The following SLC35F3 variants were observed in gnomAD, a reference collection of about 807,000 sequenced individuals.
SLC35F3 encodes the protein solute carrier family 35 member F3, also known as putative thiamine transporter SLC35F3.
SLC35F3 carries 25 observed loss-of-function variants against 49.9 expected under a neutral mutation model. The ratio of observed to expected loss-of-function variants is 0.50; its 90% CI spans 0.37 to 0.70. The LOEUF is 0.70. SLC35F3 is among the 30% of genes least tolerant of loss of function. The pLI, the probability that SLC35F3 is intolerant of heterozygous loss-of-function variation, is 0.00. For missense variants in SLC35F3, 525 were observed against 639.8 expected, an observed-to-expected ratio of 0.82 and a Z score of 1.94; for synonymous variants, 275 against 265.4, an observed-to-expected ratio of 1.04 and a Z score of -0.35.
intron 2 of SLC35F3, among the ~76,000 whole-genome samples, chr1:234,151,926 G>A (rs1666080152): frequency 6.6e-6 from 1 of 151,864 alleles, no homozygotes; most frequent in Non-Finnish European, 1.5e-5. Context: ...ATACCTTAAG[G>A]GATTTCTGTT....
intron 2 of SLC35F3, chr1:234,026,718 A>G (rs75522279): frequency 8.7e-6 from 1 of 115,124 alleles, no homozygotes; most frequent in African/African-American, 7.3e-5. Flanking sequence ...CCTTGGCTCC[A>G]AAAAAAAAAA....
At chr1:234,024,332 C>T (rs1663944453) in intron 2 of SLC35F3, among the ~76,000 whole-genome samples, 4 of 152,100 alleles carry the variant, frequency 2.6e-5, no homozygotes, top group Admixed American at 2.6e-4. Context: ...GGAGTGGGAC[C>T]AGGCCAGACA....
chr1:234,248,131 G>T (rs1349779387), intron 3 of SLC35F3, among the ~76,000 whole-genome samples: 2 of 152,226 alleles, frequency 1.3e-5, no homozygotes, highest in Non-Finnish European at 1.5e-5. Flanking sequence ...CTGTGGGTCG[G>T]TTGGCTGGTC....
chr1:234,058,202 G>A (rs915044177), intron 2 of SLC35F3, among the ~76,000 whole-genome samples: 22 of 150,990 alleles, frequency 1.5e-4, no homozygotes, highest in Admixed American at 1.4e-3. Flanking sequence ...TTTTTTTTTC[G>A]AGGATTTTTG....
chr1:234,112,752 A>G (rs1211083664), intron 2 of SLC35F3, among the ~76,000 whole-genome samples: 2 of 24,364 alleles, frequency 8.2e-5, no homozygotes, highest in Non-Finnish European at 1.6e-4. Flanking sequence ...TTTTTTTTGC[A>G]TTTTTAGTAG....
At chr1:234,007,247 G>A (rs1023494936) in intron 2 of SLC35F3, among the ~76,000 whole-genome samples, 4 of 152,282 alleles carry the variant, frequency 2.6e-5, no homozygotes, top group Non-Finnish European at 5.9e-5. Context: ...AAAACATTGA[G>A]CAGGGAAAGG....
chr1:234,127,076 C>T (rs1665659161), intron 2 of SLC35F3, among the ~76,000 whole-genome samples: 1 of 152,204 alleles, frequency 6.6e-6, no homozygotes, highest in South Asian at 2.1e-4. Flanking sequence ...GCTTTCTTCT[C>T]TCAGCATAAT....
chr1:234,296,852 G>A (rs915823032), intron 3 of SLC35F3, among the ~76,000 whole-genome samples: 3 of 152,300 alleles, frequency 2.0e-5, no homozygotes, highest in African/African-American at 7.2e-5. Context: ...TATCGTTCAG[G>A]CTGGACCAGT....
At chr1:234,003,152 A>G (rs936805412) in intron 2 of SLC35F3, among the ~76,000 whole-genome samples, 50 of 147,940 alleles carry the variant, frequency 3.4e-4, no homozygotes, top group African/African-American at 1.2e-3. Flanking sequence ...TTGGAAACCA[A>G]GATCTGTGTG....
chr1:234,275,924 T>C (rs1226704671), intron 3 of SLC35F3, among the ~76,000 whole-genome samples: 2 of 152,100 alleles, frequency 1.3e-5, no homozygotes, highest in African/African-American at 4.8e-5. Flanking sequence ...TTTATTTTCT[T>C]CATTTCCATA....
intron 2 of SLC35F3, among the ~76,000 whole-genome samples, chr1:234,075,319 G>A (rs1483989706): frequency 6.6e-6 from 1 of 152,210 alleles, no homozygotes; most frequent in Non-Finnish European, 1.5e-5. Context: ...CCACATGCAT[G>A]CCAAGCCCTT....
chr1:233,924,327 T>G (rs895227985), intron 2 of SLC35F3, among the ~76,000 whole-genome samples: 1 of 152,228 alleles, frequency 6.6e-6, no homozygotes, highest in African/African-American at 2.4e-5. Context: ...TCAGAGCCTG[T>G]TATTGGTCTA....
chr1:234,061,488 C>G (rs959445135), intron 2 of SLC35F3, among the ~76,000 whole-genome samples: 1 of 137,224 alleles, frequency 7.3e-6, no homozygotes, highest in Non-Finnish European at 1.6e-5. Context: ...ATGTGTAGAT[C>G]ACTGTTTTTT....
intron 2 of SLC35F3, among the ~76,000 whole-genome samples, chr1:234,010,822 C>T (rs111395225): frequency 6.6e-6 from 1 of 152,054 alleles, no homozygotes; most frequent in Non-Finnish European, 1.5e-5. Context: ...TTATATCAGT[C>T]AAAATAGACT....
intron 2 of SLC35F3, among the ~76,000 whole-genome samples, chr1:234,201,843 G>A (rs144703695): frequency 6.6e-6 from 1 of 151,738 alleles, no homozygotes; most frequent in Non-Finnish European, 1.5e-5. Flanking sequence ...TTAACAGGAG[G>A]TGGAGCTTGT....
chr1:234,105,944 G>T (rs756256632), intron 2 of SLC35F3, among the ~76,000 whole-genome samples: 1 of 152,264 alleles, frequency 6.6e-6, no homozygotes, highest in East Asian at 1.9e-4. Context: ...TATCAGCCAC[G>T]TTCCAGTTAG....
intron 3 of SLC35F3, among the ~76,000 whole-genome samples, chr1:234,282,328 G>A (rs919124146): frequency 6.6e-6 from 1 of 152,090 alleles, no homozygotes; most frequent in African/African-American, 2.4e-5. Context: ...TGAGCCTCTA[G>A]GCCCCTCCTA....
intron 2 of SLC35F3, among the ~76,000 whole-genome samples, chr1:234,186,777 C>G (rs561604628): frequency 1.2e-4 from 18 of 152,132 alleles, no homozygotes; most frequent in Non-Finnish European, 2.6e-4. Context: ...TCCTTTAAAC[C>G]TCACAGCAAC....
At chr1:233,948,566 T>A (rs958904908) in intron 2 of SLC35F3, among the ~76,000 whole-genome samples, 18 of 152,020 alleles carry the variant, frequency 1.2e-4, no homozygotes, top group South Asian at 2.1e-4. Flanking sequence ...TTTCTTTTTT[T>A]AATTTTTTAT....
Sources: allele counts gnomAD v4.1 joint callset (sites outside exome capture counted in the v4.1 genomes callset), GRCh38; gene constraint gnomAD v4.1.1; transcripts MANE v1.5; gene names NCBI Gene and HGNC (gene_info 2026-07-23, HGNC 2026-07-21).